FRMD4A: variants seen among roughly 807,000 people sequenced by gnomAD.
FRMD4A encodes FERM domain containing 4A.
FRMD4A carries 29 observed loss-of-function variants against 129.1 expected under a neutral mutation model. The observed-to-expected ratio is 0.22, with a 90% CI of 0.17 to 0.31. The LOEUF is 0.31. Among genes scored for constraint, FRMD4A ranks in the 10% least tolerant of loss-of-function variants. FRMD4A has a pLI of 1.00. For missense variants in FRMD4A, 1,272 were observed against 1,375.8 expected, an observed-to-expected ratio of 0.92 and a Z score of 1.19; for synonymous variants, 634 against 571.6, an observed-to-expected ratio of 1.11 and a Z score of -1.56.
intron 2 of FRMD4A, among the ~76,000 whole-genome samples, chr10:14,010,195 G>A (rs1265752339): frequency 6.6e-6 from 1 of 152,168 alleles, no homozygotes; most frequent in Non-Finnish European, 1.5e-5. Context: ...AAGCCCCGGG[G>A]AGCTGAATTT....
At chr10:14,104,113 C>A (rs574601403) in intron 2 of FRMD4A, among the ~76,000 whole-genome samples, 2 of 152,068 alleles carry the variant, frequency 1.3e-5, no homozygotes, top group African/African-American at 4.8e-5. Context: ...AGGTCTACAT[C>A]GCCATCAAGG....
At chr10:13,814,617 GGAAA>G (rs1564846798) in intron 3 of FRMD4A, among the ~76,000 whole-genome samples, 1 of 123,504 alleles carries the variant, frequency 8.1e-6, no homozygotes, top group African/African-American at 3.0e-5. Context: ...AGAAAGAAAG[GGAAA>G]GAGAGAGAGA....
chr10:14,192,873 G>C (rs528891223), intron 2 of FRMD4A, among the ~76,000 whole-genome samples: 1 of 152,246 alleles, frequency 6.6e-6, no homozygotes, highest in East Asian at 1.9e-4. Context: ...ATTCACTGTT[G>C]CATTTCTAAT....
At chr10:14,171,038 G>GT (rs57305159) in intron 2 of FRMD4A, among the ~76,000 whole-genome samples, 150,856 of 150,970 alleles carry the variant, frequency 1, 75,371 homozygotes, top group Non-Finnish European at 1. Flanking sequence ...TTATTTGTTT[G>GT]TTTTTTGCGA....
At chr10:13,850,146 A>G (rs912779607) in intron 3 of FRMD4A, among the ~76,000 whole-genome samples, 6 of 152,086 alleles carry the variant, frequency 3.9e-5, no homozygotes, top group African/African-American at 1.4e-4. Flanking sequence ...GGTTGCAATA[A>G]GCCAGTAAGC....
intron 2 of FRMD4A, among the ~76,000 whole-genome samples, chr10:13,884,780 C>T (rs1189087733): frequency 6.6e-6 from 1 of 152,180 alleles, no homozygotes; most frequent in Non-Finnish European, 1.5e-5. Flanking sequence ...CTTCCCTGTT[C>T]CCAACAAGGT....
At chr10:13,929,656 T>C (rs2797887) in intron 2 of FRMD4A, among the ~76,000 whole-genome samples, 8,978 of 152,274 alleles carry the variant, frequency 0.059, 377 homozygotes, top group African/African-American at 0.11. Flanking sequence ...GAGGCCTAGT[T>C]TCTATTAGCG....
intron 2 of FRMD4A, among the ~76,000 whole-genome samples, chr10:14,050,632 C>A (rs1050414301): frequency 2.6e-5 from 4 of 151,990 alleles, no homozygotes; most frequent in Non-Finnish European, 5.9e-5. Flanking sequence ...AATCCCACTC[C>A]CTGACCTCCA....
At chr10:13,777,791 A>ATTTTTTTTTTTTTTTTTTTT in intron 6 of FRMD4A, among the ~76,000 whole-genome samples, 1 of 85,984 alleles carries the variant, frequency 1.2e-5, no homozygotes, top group Non-Finnish European at 2.1e-5. Flanking sequence ...CTTTGGGTCA[A>ATTTTTTTTTTTTTTTTTTTT]TTTTTTTTTT....
intron 2 of FRMD4A, among the ~76,000 whole-genome samples, chr10:14,099,480 C>T (rs909319860): frequency 6.6e-6 from 1 of 152,200 alleles, no homozygotes; most frequent in Admixed American, 6.5e-5. Context: ...TATTCCAGAA[C>T]CCCTGCCTAT....
chr10:13,784,911 A>G (rs1373792064), intron 5 of FRMD4A, among the ~76,000 whole-genome samples: 1 of 151,240 alleles, frequency 6.6e-6, no homozygotes, highest in Non-Finnish European at 1.5e-5. Flanking sequence ...GAATCGCTTG[A>G]ACCCAGGAGG....
At chr10:14,095,688 A>G (rs1331543665) in intron 2 of FRMD4A, among the ~76,000 whole-genome samples, 3 of 152,230 alleles carry the variant, frequency 2.0e-5, no homozygotes, top group Non-Finnish European at 4.4e-5. Context: ...CACGTTCAAT[A>G]GGAAGCAATG....
chr10:14,128,052 CTTTCTTTCTTT>C (rs1396219499), intron 2 of FRMD4A, among the ~76,000 whole-genome samples: 1,418 of 29,414 alleles, frequency 0.048, 60 homozygotes, highest in African/African-American at 0.081. Context: ...TTCCCTCTTT[CTTTCTTTCTTT>C]CTTTCTTTCT....
rs12265268 is a variant in FRMD4A, at chr10:14,039,375, C to T, written c.46-180463G>A. Among the ~76,000 whole-genome samples the T allele has an allele frequency of 2.2e-3, 251 of 115,972 alleles. 1 individual carries two copies. Among genetic ancestry groups the T allele is most frequent in the African/African-American group, 4.7e-3 (122 of 25,864 alleles). The allele number at this position is 115,972 out of a possible 152,430, so 76.1% of individuals were successfully genotyped here. On this transcript the variant is annotated intron_variant, in intron 2 of 24. Coordinates refer to ENST00000357447, the MANE Select transcript of FRMD4A (RefSeq NM_018027.5). The stretch of plus-strand genomic sequence containing the variant: ...TTTCTGATCTGTCCGTCCGTCCATC[C>T]ATCCATCCATCCATCCATCCATCCA...
chr10:14,193,299 C>T (rs1842372765), intron 2 of FRMD4A, among the ~76,000 whole-genome samples: 1 of 152,204 alleles, frequency 6.6e-6, no homozygotes, highest in South Asian at 2.1e-4. Context: ...ACATCAGGAA[C>T]TGTGCAATGG....
At chr10:13,652,004 G>C (rs1158042812) in intron 23 of FRMD4A, 30 bp from the exon 24 acceptor site, 2 of 1,211,508 alleles carry the variant, frequency 1.7e-6, no homozygotes, top group South Asian at 1.2e-5. Flanking sequence ...AGGAGGAAGA[G>C]AAGAGAGGTC....
chr10:14,181,122 G>A (rs990739473), intron 2 of FRMD4A, among the ~76,000 whole-genome samples: 5 of 152,140 alleles, frequency 3.3e-5, no homozygotes, highest in Non-Finnish European at 5.9e-5. Context: ...TTGCCTTTCC[G>A]AAAAAGTGTC....
At chr10:13,675,379 A>AT (rs1481220609) in intron 15 of FRMD4A, among the ~76,000 whole-genome samples, 3 of 152,232 alleles carry the variant, frequency 2.0e-5, no homozygotes, top group African/African-American at 7.2e-5. Context: ...AGAAAAGCTC[A>AT]TGTCAGCAAT....
chr10:14,296,127 G>A (rs1218465), intron 2 of FRMD4A, among the ~76,000 whole-genome samples: 79,739 of 151,678 alleles, frequency 0.53, 21,990 homozygotes, highest in African/African-American at 0.7. Flanking sequence ...TACTCCCAGC[G>A]GAAGAAAAAT....
Sources: gnomAD v4.1 joint callset for allele counts (sites outside exome capture counted in the v4.1 genomes callset) on GRCh38, gnomAD v4.1.1 for gene constraint, MANE v1.5 for transcripts, NCBI Gene and HGNC (gene_info 2026-07-23, HGNC 2026-07-21) for gene names.